The following SMG5 variants were observed in gnomAD, a reference collection of about 807,000 sequenced individuals.
SMG5 encodes the protein nonsense-mediated mRNA decay factor SMG5.
A neutral mutation model predicts 122.9 loss-of-function variants in SMG5; 53 were observed. The ratio of observed to expected loss-of-function variants is 0.43; its 90% CI spans 0.35 to 0.54. The LOEUF (loss-of-function observed/expected upper bound fraction) is 0.54. Among genes scored for constraint, SMG5 ranks in the 20% least tolerant of loss-of-function variants. The pLI, the probability that SMG5 is intolerant of heterozygous loss-of-function variation, is 0.01. For synonymous variants in SMG5, 477 were observed against 490.2 expected, an observed-to-expected ratio of 0.97 and a Z score of 0.35; for missense variants, 1,153 against 1,285.6, an observed-to-expected ratio of 0.90 and a Z score of 1.58.
chr1:156,259,118 C>T lies in SMG5; in HGVS notation c.2329G>A (p.Ala777Thr), dbSNP rs151243707. ...CCIRSFGHFI[A>T]RLQGSILQFN... is the part of the protein sequence containing the mutation. Reference sequence around the variant, plus strand: ...TGCAGGATGCTGCCTTGCAGGCGGGCGATGAAATGACCAAAGCTGCGGATG... The same window carrying T: ...TGCAGGATGCTGCCTTGCAGGCGGGTGATGAAATGACCAAAGCTGCGGATG... The change falls in exon 16 of 22, where the codon GCC (alanine) becomes ACC (threonine). Residue 777 changes from alanine to threonine, a missense_variant. Physicochemically the swap from Ala to Thr is moderately conservative, Grantham distance 58 (BLOSUM62 0). This residue lies in a region of SMG5 where 140 missense variants were observed against 227.8 expected (regional missense o/e 0.61). Transcript: ENST00000361813. 43 of 1,606,468 alleles carry T rather than the reference C, an allele frequency of 2.7e-5. No homozygotes were observed. In the African/African-American group the frequency reaches 3.5e-4, roughly 13 times the overall value.
In SMG5 at chr1:156,279,146, G is replaced by GGA. The variant is rs138501762; in HGVS notation, c.75-114_75-113dup. On this transcript the variant is annotated intron_variant, in intron 1 of 21. Coordinates refer to ENST00000361813, the MANE Select transcript of SMG5 (RefSeq NM_015327.3). ...TACAGAATTAGCGGTGAGGGAAAAAGGAGAAGGCTGCAGGCTGAGCTCTGT... is the reference window on the plus strand; with the variant it reads ...TACAGAATTAGCGGTGAGGGAAAAAGGAGAGAAGGCTGCAGGCTGAGCTCTGT... 1.2e-3 allele frequency: 1,075 copies of GGA among 888,408 alleles called. 26 individuals carry two copies. In the East Asian group the frequency reaches 0.021, roughly 18 times the overall value. 55.0% of individuals were successfully genotyped at this position (888,408 alleles called of 1,614,324 possible). A position where few individuals can be genotyped will look rare whatever the true frequency, so the allele number is the denominator to read the frequency against.
At chr1:156,279,751 G>A (rs1662847626) in intron 1 of SMG5, among the ~76,000 whole-genome samples, 1 of 152,194 alleles carries the variant, frequency 6.6e-6, no homozygotes, top group African/African-American at 2.4e-5. Flanking sequence ...GAATTGTGGG[G>A]TATGATGGGG....
Position 156,277,848 on chromosome 1 carries a change from A to G in SMG5, c.297+77T>C, listed in dbSNP as rs1662752432. 3.8e-6 allele frequency: 6 copies of G among 1,586,998 alleles called. No individual in the cohort carries two copies. The South Asian group carries it at 5.6e-5, about 15-fold the overall frequency. On this transcript the variant is annotated intron_variant, in intron 3 of 21. Coordinates refer to ENST00000361813, the MANE Select transcript of SMG5 (RefSeq NM_015327.3). Reference sequence around the variant, plus strand: ...TGTTTTCTTGGCTCCCCTACCTCCAACCATGTTCTGCGCCCACTTTCCTAG... The same window carrying G: ...TGTTTTCTTGGCTCCCCTACCTCCAGCCATGTTCTGCGCCCACTTTCCTAG...
chr1:156,262,522 G>C (rs1372802508), intron 13 of SMG5, among the ~76,000 whole-genome samples: 1 of 150,508 alleles, frequency 6.6e-6, no homozygotes, highest in Admixed American at 6.6e-5. Context: ...AAACCACAAG[G>C]ACTTTCTGGA....
At chr1:156,285,733 C>CA, upstream of SMG5, 2 of 1,613,296 alleles carry the variant, frequency 1.2e-6, no homozygotes, top group South Asian at 2.2e-5. Context: ...ACCCCGACCC[C>CA]ACTGAGCGCA....
At position 156,263,496 on chromosome 1, in the gene SMG5, C is replaced by T. The variant is rs1661959100; in HGVS notation, c.1930G>A (p.Glu644Lys). Residue 644 changes from glutamate to lysine, a missense_variant, in exon 13 of 22, where the codon GAG becomes AAG. Physicochemically the swap from Glu to Lys is moderately conservative, Grantham distance 56. Transcript: ENST00000361813. ...RSCRNERSIQ[E>K]KLQVLMAEGL... ...TCGGCCATCAGGACCTGAAGCTTCT[C>T]CTGGATGCTGCGCTCATTCCGACAG... 1 of 1,614,128 alleles carries T rather than the reference C, an allele frequency of 6.2e-7. No homozygotes were observed. Among genetic ancestry groups the T allele is most frequent in the African/African-American group, 1.3e-5 (1 of 74,950 alleles).
intron 7 of SMG5, among the ~76,000 whole-genome samples, chr1:156,269,497 G>C (rs932391080): frequency 6.6e-6 from 1 of 152,206 alleles, no homozygotes; most frequent in South Asian, 2.1e-4. Context: ...AGCACTTTGG[G>C]AGGCTGAGGC....
At chr1:156,256,460 T>C (rs763421025) in intron 16 of SMG5, among the ~76,000 whole-genome samples, 20 of 151,864 alleles carry the variant, frequency 1.3e-4, no homozygotes, top group African/African-American at 1.9e-4. Flanking sequence ...GGAGGCACCA[T>C]AGACAAACTT....
At chr1:156,267,711 G>C (rs7530288) in intron 9 of SMG5, 33 bp from the exon 10 acceptor site, 4 of 1,563,252 alleles carry the variant, frequency 2.6e-6, no homozygotes, top group Non-Finnish European at 3.5e-6. Flanking sequence ...GGGGAGGTCA[G>C]TGGTGGGGGC....
chr1:156,264,637 C>T (rs1662031128), intron 12 of SMG5, among the ~76,000 whole-genome samples: 1 of 152,076 alleles, frequency 6.6e-6, no homozygotes, highest in East Asian at 1.9e-4. Flanking sequence ...GACTTTTAAG[C>T]TAAAATCTAG....
the SMG5 span, among the ~76,000 whole-genome samples, chr1:156,289,293 TA>T: frequency 6.6e-6 from 1 of 152,162 alleles, no homozygotes; most frequent in East Asian, 1.9e-4. Flanking sequence ...GCTAACACGG[TA>T]AAACCCCATC....
rs200435023 is a variant in SMG5 at position 156,266,364 on chromosome 1, C to A, written c.1272G>T (p.Lys424Asn). ...GCTCCTCCTCTTTCTCCACAGGTTC[C>A]TTGGACTCTGGTTCATCTGCGGAAA... ...QSDGTDEPES[K>N]EPVEKEEEPD... The change falls in exon 12 of 22, where the codon AAG becomes AAT. Residue 424 changes from lysine (K) to asparagine (N), a missense_variant. Around this residue, in one of 5 missense-constraint regions of SMG5, gnomAD observed 631 missense variants for 650.6 expected, o/e 0.97. Transcript: ENST00000361813. The A allele has an allele frequency of 2.7e-4, 438 of 1,612,444 alleles. No homozygotes were observed. Among genetic ancestry groups the A allele is most frequent in the Non-Finnish European group, 3.4e-4 (395 of 1,178,750 alleles).
chr1:156,290,302 TTTC>T, the SMG5 span: 33 of 153,592 alleles, frequency 2.1e-4, no homozygotes, highest in East Asian at 1.7e-3. Flanking sequence ...TCCTCCTTTC[TTTC>T]TTCTTCTTCT....
Position 156,266,154 on chromosome 1 carries a change from G to C in SMG5, c.1482C>G (p.Asp494Glu). 3 of 1,614,230 alleles carry C rather than the reference G, an allele frequency of 1.9e-6. No homozygotes were observed. Among genetic ancestry groups the C allele is most frequent in the Non-Finnish European group, 2.5e-6 (3 of 1,180,052 alleles). ...CTTCAAGACTCTTGTCAGAGCCACT[G>C]TCTGAGCCCTCACTGGCCCGGGCTG... is the stretch of plus-strand genomic sequence containing the variant. ...HDSARASEGS[D>E]SGSDKSLEGG... The change falls in exon 12 of 22, where the codon GAC (aspartate) becomes GAG (glutamate). Residue 494 changes from aspartate to glutamate, a missense_variant. This residue lies in a region of SMG5 where 631 missense variants were observed against 650.6 expected (regional missense o/e 0.97). Transcript: ENST00000361813.
upstream of SMG5, chr1:156,285,318 G>A (rs112826258): frequency 1.4e-3 from 2,262 of 1,574,124 alleles, 36 homozygotes; most frequent in African/African-American, 0.026. Flanking sequence ...CCCAATGGCC[G>A]GCAGCCAGAA....
intron 7 of SMG5, among the ~76,000 whole-genome samples, chr1:156,270,627 C>T (rs1161436674): frequency 1.3e-5 from 2 of 152,184 alleles, no homozygotes; most frequent in African/African-American, 2.4e-5. Flanking sequence ...TCTTTTGGAA[C>T]TGACCCACCC....
chr1:156,290,040 T>C, the SMG5 span: 1 of 152,248 alleles, frequency 6.6e-6, no homozygotes, highest in African/African-American at 2.4e-5. Flanking sequence ...CCTTGGAATC[T>C]TAGTTTCTTC....
At position 156,282,770 on chromosome 1, in the gene SMG5, C is replaced by A; in HGVS notation, c.-90G>T. On this transcript the variant is annotated 5_prime_UTR_variant, in exon 1 of 22. Transcript: ENST00000361813. ...TGCCGTCTCCGGCCGTAGCCGCAGC[C>A]GCCGCCGCCACCGGCCCTGCTCGGC... is the stretch of plus-strand genomic sequence containing the variant. 2.2e-6 allele frequency: 3 copies of A among 1,367,910 alleles called. No homozygotes were observed. Among genetic ancestry groups the A allele is most frequent in the African/African-American group, 2.9e-5 (2 of 68,106 alleles). 84.7% of individuals were successfully genotyped at this position (1,367,910 alleles called of 1,614,324 possible). A position where few individuals can be genotyped will look rare whatever the true frequency, so the allele number is the denominator to read the frequency against.
In SMG5 at chr1:156,253,517, G is replaced by GA; in HGVS notation, c.2443-10dup. 1.2e-6 allele frequency: 2 copies of GA among 1,613,936 alleles called. No individual in the cohort carries two copies. The highest frequency in any genetic ancestry group is 1.7e-6 in the Non-Finnish European group (2 of 1,179,886). ...CGAGCTTCCTCCTGTGCCTATGAGGGAAAAAATGAGCTGTAAGGAGTTGGG... is the reference window on the plus strand; with the variant it reads ...CGAGCTTCCTCCTGTGCCTATGAGGGAAAAAAATGAGCTGTAAGGAGTTGGG... On this transcript the variant is annotated splice_polypyrimidine_tract_variant and intron_variant, in intron 16 of 21. Coordinates refer to ENST00000361813, the MANE Select transcript of SMG5 (RefSeq NM_015327.3).
Sources: gnomAD v4.1 joint callset for allele counts (sites outside exome capture counted in the v4.1 genomes callset) on GRCh38, gnomAD v4.1.1 for gene constraint, gnomAD v4.1.1 regional missense constraint, MANE v1.5 for transcripts, NCBI Gene and HGNC (gene_info 2026-07-23, HGNC 2026-07-21) for gene names.